Variants in IMPG2 observed in about 807,000 individuals in gnomAD.
IMPG2 encodes IPM 200.
In IMPG2, 91 loss-of-function variants were observed where a neutral mutation model predicts 129.2. That is an observed-to-expected ratio of 0.70 (90% CI 0.59 to 0.84). The LOEUF is 0.84. Ranked by LOEUF, IMPG2 falls within the 40% of genes least tolerant of loss-of-function variation. IMPG2 has a pLI of 0.00. For missense variants in IMPG2, 1,430 were observed against 1,461.7 expected (o/e 0.98, Z 0.35); for synonymous variants, 510 against 517.7 (o/e 0.99, Z 0.20).
intron 7 of IMPG2, among the ~76,000 whole-genome samples, chr3:101,269,897 G>C (rs1479342167): frequency 2.0e-5 from 3 of 149,278 alleles, no homozygotes; most frequent in African/African-American, 7.4e-5. Context: ...TTCAAAAGAA[G>C]CTGTAATAGC....
In IMPG2 at chr3:101,272,334, G is replaced by A. The variant is rs140966059; in HGVS notation, c.828+1247C>T. ...GCTGTTTCATGCAAAGTGACTGTTG[G>A]TAGACATTTCATTCCAGGTAAGGGG... On this transcript the variant is annotated intron_variant, in intron 7 of 18. Coordinates refer to ENST00000193391, the MANE Select transcript of IMPG2 (RefSeq NM_016247.4). Among the ~76,000 whole-genome samples, 235 of 152,264 alleles carry A rather than the reference G, an allele frequency of 1.5e-3. 1 individual carries two copies. The East Asian group carries it at 0.025, about 16-fold the overall frequency.
intron 3 of IMPG2, among the ~76,000 whole-genome samples, chr3:101,300,973 C>T (rs1409436512): frequency 6.6e-6 from 1 of 152,192 alleles, no homozygotes; most frequent in Non-Finnish European, 1.5e-5. Context: ...TGCTATTCTT[C>T]TTTTCACTTG....
intron 15 of IMPG2, 46 bp from the exon 16 acceptor site, chr3:101,231,191 A>T: frequency 6.4e-7 from 1 of 1,572,658 alleles, no homozygotes; most frequent in Non-Finnish European, 8.8e-7. Context: ...CACTCTGCTC[A>T]CACTGACAAT....
At chr3:101,257,241 T>G (rs1706620660) in intron 10 of IMPG2, among the ~76,000 whole-genome samples, 1 of 152,088 alleles carries the variant, frequency 6.6e-6, no homozygotes, top group Admixed American at 6.6e-5. Flanking sequence ...AATGCACACT[T>G]CCAAGTACTA....
At chr3:101,316,635 C>T (rs906760445) in intron 2 of IMPG2, among the ~76,000 whole-genome samples, 3 of 151,978 alleles carry the variant, frequency 2.0e-5, no homozygotes, top group Admixed American at 6.6e-5. Flanking sequence ...GTGAAGAAAA[C>T]GGAATCCTAC....
rs1706810958 is a variant in IMPG2, at chr3:101,273,653, C to T, written c.756G>A (p.Lys252=). Residue 252 remains lysine, a synonymous_variant, in exon 7 of 19, where the codon AAG becomes AAA. Transcript: ENST00000193391. ...IAEFSIHLLG[K]QYREELQDSS... ...AATCCTGTAGTTCTTCCCTGTACTG[C>T]TTCCCCAAAAGGTGGATACTGAATT... 6.2e-7 allele frequency: 1 copy of T among 1,614,112 alleles called. No homozygotes were observed. The highest frequency in any genetic ancestry group is 2.2e-5 in the East Asian group (1 of 44,876).
At chr3:101,272,785 T>C (rs561236738) in intron 7 of IMPG2, among the ~76,000 whole-genome samples, 1 of 152,236 alleles carries the variant, frequency 6.6e-6, no homozygotes, top group South Asian at 2.1e-4. Context: ...ACACAGTATC[T>C]GGGGAAGAAA....
chr3:101,295,974 G>A (rs1188832616), intron 3 of IMPG2, among the ~76,000 whole-genome samples: 2 of 152,090 alleles, frequency 1.3e-5, no homozygotes, highest in Admixed American at 1.3e-4. Flanking sequence ...GAGACAATGG[G>A]GTTTTCTAAA....
intron 15 of IMPG2, among the ~76,000 whole-genome samples, chr3:101,231,352 G>A (rs1338159709): frequency 1.3e-5 from 2 of 152,216 alleles, no homozygotes; most frequent in Admixed American, 6.5e-5. Context: ...GGTCCTCAAT[G>A]ACTGTTTGAA....
chr3:101,292,280 G>A (rs1707026713), intron 3 of IMPG2, among the ~76,000 whole-genome samples: 1 of 152,088 alleles, frequency 6.6e-6, no homozygotes, highest in African/African-American at 2.4e-5. Context: ...CACTCTCATG[G>A]TTTCAGTTAC....
chr3:101,229,356 C>T (rs2107203822), intron 17 of IMPG2, 24 bp downstream of exon 17: 1 of 1,597,132 alleles, frequency 6.3e-7, no homozygotes. Flanking sequence ...GCTGCGACAG[C>T]AACATAAATG....
At chr3:101,302,627 C>T (rs556217960) in intron 3 of IMPG2, among the ~76,000 whole-genome samples, 6 of 152,240 alleles carry the variant, frequency 3.9e-5, no homozygotes, top group Admixed American at 3.9e-4. Context: ...ATTACCACCT[C>T]CTTATAAGGT....
rs201200927 is a variant in IMPG2 at position 101,245,761 on chromosome 3, G to A, written c.1543+41C>T. On this transcript the variant is annotated intron_variant, in intron 12 of 18. Coordinates refer to ENST00000193391, the MANE Select transcript of IMPG2 (RefSeq NM_016247.4). Reference sequence around the variant, plus strand: ...TCCTCTCTTTAAAACCCCTGTCATCGGATACAATAAGAAGTACGAAAAGCA... The same window carrying A: ...TCCTCTCTTTAAAACCCCTGTCATCAGATACAATAAGAAGTACGAAAAGCA... 8.8e-4 allele frequency: 1,370 copies of A among 1,562,806 alleles called. 3 individuals are homozygous for A. The highest frequency in any genetic ancestry group is 1.0e-3 in the Non-Finnish European group (1,184 of 1,133,972).
intron 11 of IMPG2, among the ~76,000 whole-genome samples, chr3:101,248,980 C>T (rs963975252): frequency 6.6e-6 from 1 of 152,134 alleles, no homozygotes; most frequent in African/African-American, 2.4e-5. Flanking sequence ...GCAGATCAAA[C>T]GACAAGAGGA....
intron 18 of IMPG2, 69 bp downstream of exon 18, chr3:101,228,728 G>T: frequency 8.4e-7 from 1 of 1,187,482 alleles, no homozygotes. Flanking sequence ...GCTCACTCAG[G>T]TGTGACATTA....
chr3:101,241,299 C>T (rs1706404149), intron 14 of IMPG2, among the ~76,000 whole-genome samples: 1 of 152,130 alleles, frequency 6.6e-6, no homozygotes, highest in Non-Finnish European at 1.5e-5. Context: ...CCTGAGGAAG[C>T]GACATTTGAA....
At chr3:101,256,588 C>A (rs886108431) in intron 10 of IMPG2, among the ~76,000 whole-genome samples, 1 of 151,820 alleles carries the variant, frequency 6.6e-6, no homozygotes, top group Non-Finnish European at 1.5e-5. Context: ...TTATTTGTTA[C>A]ACACACACAC....
intron 4 of IMPG2, among the ~76,000 whole-genome samples, chr3:101,281,633 T>A (rs545305665): frequency 7.1e-4 from 108 of 152,334 alleles, no homozygotes; most frequent in African/African-American, 2.3e-3. Context: ...CATATCTTAA[T>A]TCCCAGAGAG....
intron 7 of IMPG2, among the ~76,000 whole-genome samples, chr3:101,273,036 G>A (rs1706804106): frequency 6.6e-6 from 1 of 152,096 alleles, no homozygotes; most frequent in South Asian, 2.1e-4. Flanking sequence ...GAAGTTATGG[G>A]ATGGTCTAAT....
Sources: gnomAD v4.1 joint callset for allele counts (sites outside exome capture counted in the v4.1 genomes callset) on GRCh38, gnomAD v4.1.1 for gene constraint, MANE v1.5 for transcripts, NCBI Gene and HGNC (gene_info 2026-07-23, HGNC 2026-07-21) for gene names.